Variants in ST3GAL4 observed in about 807,000 individuals in gnomAD.
ST3GAL4 encodes the protein ST3 beta-galactoside alpha-2,3-sialyltransferase 4, also known as CMP-N-acetylneuraminate-beta-galactosamide-alpha-2,3-sialyltransferase 4.
A neutral mutation model predicts 42.6 loss-of-function variants in ST3GAL4; 24 were observed. The ratio of observed to expected loss-of-function variants is 0.56; its 90% confidence interval spans 0.41 to 0.79. The LOEUF (loss-of-function observed/expected upper bound fraction) is 0.79, where lower values mean the gene tolerates loss of function less well. Ranked by LOEUF, ST3GAL4 falls within the 30% of genes least tolerant of loss-of-function variation. The pLI is 0.00. For missense variants in ST3GAL4, 311 were observed against 430.8 expected (o/e 0.72, Z 2.46); for synonymous variants, 135 against 163.2 (o/e 0.83, Z 1.32).
At chr11:126,388,224 A>G (rs145325983) in intron 1 of ST3GAL4, among the ~76,000 whole-genome samples, 102 of 152,390 alleles carry the variant, frequency 6.7e-4, no homozygotes, top group African/African-American at 2.4e-3. Context: ...TGCTGTCTCC[A>G]TCACGCTGGA....
At chr11:126,358,363 A>C (rs77137587) in intron 1 of ST3GAL4, 2 of 361,182 alleles carry the variant, frequency 5.5e-6, no homozygotes, top group Non-Finnish European at 1.2e-5. Context: ...GTGTAGGCAG[A>C]TTTGGGTGAC....
chr11:126,381,806 A>G (rs564957215), intron 1 of ST3GAL4, among the ~76,000 whole-genome samples: 7 of 151,678 alleles, frequency 4.6e-5, no homozygotes, highest in Non-Finnish European at 7.4e-5. Context: ...TAACTGAATA[A>G]ATGCCATTAA....
Position 126,408,368 on chromosome 11 carries a change from C to T in ST3GAL4, c.499C>T (p.Leu167Phe). 1 of 1,614,220 alleles carries T rather than the reference C, an allele frequency of 6.2e-7. No individual in the cohort carries two copies. Among genetic ancestry groups the T allele is most frequent in the Non-Finnish European group, 8.5e-7 (1 of 1,180,050 alleles). ...CGTGGGCTCCAAGACCACCATGCGT[C>T]TCTTCTACCCTGAATCTGCCCACTT... ...GDVGSKTTMR[L>F]FYPESAHFDP... The change falls in exon 8 of 11, where the codon CTC becomes TTC. Residue 167 changes from leucine to phenylalanine, a missense_variant. Coordinates refer to ENST00000444328, the MANE Select transcript of ST3GAL4 (RefSeq NM_001254757.2).
rs1297270536 is a variant in ST3GAL4, at chr11:126,391,396, A to G, written c.-60-14700A>G. ...CCTTGTGCCTGCTGAGTGGTGGAAC[A>G]GTTCTGAAAAGGTCTGTTCTGGAGT... On this transcript the variant is annotated intron_variant, in intron 1 of 10. Transcript: ENST00000444328. This position sits in a 1 kb window ranked among gnomAD's most constrained non-coding sequence, Gnocchi z 5.5. 6.6e-6 allele frequency among the ~76,000 whole-genome samples: 1 copy of G among 152,128 alleles called. No individual in the cohort carries two copies. Among genetic ancestry groups the G allele is most frequent in the Admixed American group, 6.5e-5 (1 of 15,274 alleles).
rs1194284619 is a variant in ST3GAL4 at position 126,383,945 on chromosome 11, C to T, written c.-60-22151C>T. Among the ~76,000 whole-genome samples the T allele has an allele frequency of 5.9e-5, 9 of 152,172 alleles. No individual in the cohort carries two copies. Among genetic ancestry groups the T allele is most frequent in the Admixed American group, 5.2e-4 (8 of 15,282 alleles). ...CGCCTTCTCTGTTCCTGGGGACAGGCTGCTGCAGGGTGGAGGGCTTGCTTT... is the reference window on the plus strand; with the variant it reads ...CGCCTTCTCTGTTCCTGGGGACAGGTTGCTGCAGGGTGGAGGGCTTGCTTT... On this transcript the variant is annotated intron_variant, in intron 1 of 10. Transcript: ENST00000444328. This position sits in a 1 kb window ranked among gnomAD's most constrained non-coding sequence, Gnocchi z 4.5.
intron 1 of ST3GAL4, among the ~76,000 whole-genome samples, chr11:126,368,426 C>G (rs1952517757): frequency 6.6e-6 from 1 of 152,256 alleles, no homozygotes; most frequent in Admixed American, 6.5e-5. Flanking sequence ...CCTGTTTCTG[C>G]TGACTTGTCC....
At chr11:126,380,032 C>A (rs545597060) in intron 1 of ST3GAL4, among the ~76,000 whole-genome samples, 1 of 151,882 alleles carries the variant, frequency 6.6e-6, no homozygotes, top group Non-Finnish European at 1.5e-5. Context: ...GAAGCTGAGG[C>A]GGGCGGATCA....
intron 1 of ST3GAL4, among the ~76,000 whole-genome samples, chr11:126,380,456 G>A (rs1443087677): frequency 1.3e-5 from 2 of 152,146 alleles, no homozygotes; most frequent in African/African-American, 4.8e-5. Flanking sequence ...GGCACAAGTC[G>A]TTCAGTATTT....
At chr11:126,358,220 G>A (rs550201513) in intron 1 of ST3GAL4, among the ~76,000 whole-genome samples, 32 of 152,380 alleles carry the variant, frequency 2.1e-4, no homozygotes, top group African/African-American at 7.2e-4. Flanking sequence ...GGGCCGGCTG[G>A]ACGTTTCCCT....
intron 5 of ST3GAL4, 82 bp from the exon 6 acceptor site, chr11:126,407,492 T>G: frequency 1.3e-6 from 2 of 1,588,312 alleles, no homozygotes; most frequent in Non-Finnish European, 1.7e-6. Flanking sequence ...CAGCCAGCGC[T>G]CTGAGGAGCA....
chr11:126,360,725 C>A (rs965646603), intron 1 of ST3GAL4, among the ~76,000 whole-genome samples: 4 of 152,146 alleles, frequency 2.6e-5, no homozygotes, highest in African/African-American at 9.7e-5. Context: ...CCCAGCCGAG[C>A]GTGTCTGTCT....
At position 126,396,307 on chromosome 11, in the gene ST3GAL4, C is replaced by T. The variant is rs532189857; in HGVS notation, c.-60-9789C>T. On this transcript the variant is annotated intron_variant, in intron 1 of 10. Coordinates refer to ENST00000444328, the MANE Select transcript of ST3GAL4 (RefSeq NM_001254757.2). This position sits in a 1 kb window ranked among gnomAD's most constrained non-coding sequence, Gnocchi z 5.8. ...TGGAAGCAGGTACAGCCCAGGCCCG[C>T]GCTGAGGTTCGGCAGGGAAGCCAGA... is the stretch of plus-strand genomic sequence containing the variant. 2.3e-4 allele frequency among the ~76,000 whole-genome samples: 35 copies of T among 152,152 alleles called. 3 individuals are homozygous for T. The highest frequency in any genetic ancestry group is 7.0e-4 in the African/African-American group (29 of 41,450).
In ST3GAL4 at chr11:126,393,131, CG is replaced by C. The variant is rs1489226768; in HGVS notation, c.-60-12961del. 2 of 151,840 alleles carry C rather than the reference CG, an allele frequency of 1.3e-5. No homozygotes were observed. The highest frequency in any genetic ancestry group is 2.9e-5 in the Non-Finnish European group (2 of 68,034). 9.4% of individuals were successfully genotyped at this position (151,840 alleles called of 1,614,324 possible). A position where few individuals can be genotyped will look rare whatever the true frequency, so the allele number is the denominator to read the frequency against. ...AATTTTATTTTTATTTTTATAGAGA[CG>C]GGGCAGAGTCTGCAGTCACATGCCT... On this transcript the variant is annotated intron_variant, in intron 1 of 10. Transcript: ENST00000444328. This position sits in a 1 kb window ranked among gnomAD's most constrained non-coding sequence, Gnocchi z 5.9.
In ST3GAL4 at chr11:126,385,984, C is replaced by T. The variant is rs374338597; in HGVS notation, c.-60-20112C>T. Among the ~76,000 whole-genome samples the T allele has an allele frequency of 9.2e-5, 14 of 152,290 alleles. No individual in the cohort carries two copies. In the East Asian group the frequency reaches 1.7e-3, roughly 19 times the overall value. On this transcript the variant is annotated intron_variant, in intron 1 of 10. Coordinates refer to ENST00000444328, the MANE Select transcript of ST3GAL4 (RefSeq NM_001254757.2). The stretch of plus-strand genomic sequence containing the variant: ...CCACGTGTCCCCGTGGCCTCCCTGG[C>T]ACCCCCTTTCCTTCCTGGCTGTCTG...
intron 1 of ST3GAL4, among the ~76,000 whole-genome samples, chr11:126,390,525 T>C (rs1376903035): frequency 1.3e-5 from 2 of 152,160 alleles, no homozygotes; most frequent in Non-Finnish European, 2.9e-5. Context: ...GGTTTTAATA[T>C]GTATTCCCTG....
Position 126,410,224 on chromosome 11 carries a change from T to C in ST3GAL4, c.771+813T>C, listed in dbSNP as rs1366882699. Reference sequence around the variant, plus strand: ...GTCTGACCACAAGTTATGTGTTATGTGTTTCTTCTTTTTAACCTGATGTCC... The same window carrying C: ...GTCTGACCACAAGTTATGTGTTATGCGTTTCTTCTTTTTAACCTGATGTCC... On this transcript the variant is annotated intron_variant, in intron 9 of 10. Coordinates refer to ENST00000444328, the MANE Select transcript of ST3GAL4 (RefSeq NM_001254757.2). The surrounding 1 kb of genome is among the most constrained non-coding windows in gnomAD (Gnocchi z 5.3). 4.6e-5 allele frequency among the ~76,000 whole-genome samples: 7 copies of C among 152,216 alleles called. No homozygotes were observed. The highest frequency in any genetic ancestry group is 4.6e-4 in the Admixed American group (7 of 15,280).
intron 1 of ST3GAL4, among the ~76,000 whole-genome samples, chr11:126,371,166 T>A (rs867364222): frequency 2.5e-4 from 22 of 89,210 alleles, no homozygotes; most frequent in South Asian, 1.0e-3. Flanking sequence ...CACATTCCTT[T>A]TTTTTTTTTT....
rs1954423134 is a variant in ST3GAL4, at chr11:126,409,505, T to A, written c.771+94T>A. 3.2e-6 allele frequency: 5 copies of A among 1,542,230 alleles called. No homozygotes were observed. In the South Asian group the frequency reaches 5.8e-5, roughly 18 times the overall value. ...CTTAGGAAGCCCTGGAAGGATCCCA[T>A]AACAGAGGCGGCGGTTTGCATTTTC... On this transcript the variant is annotated intron_variant, in intron 9 of 10. Coordinates refer to ENST00000444328, the MANE Select transcript of ST3GAL4 (RefSeq NM_001254757.2). The surrounding 1 kb of genome is among the most constrained non-coding windows in gnomAD (Gnocchi z 4.9).
chr11:126,390,060 G>A (rs1211865348), intron 1 of ST3GAL4, among the ~76,000 whole-genome samples: 1 of 150,242 alleles, frequency 6.7e-6, no homozygotes, highest in African/African-American at 2.4e-5. Context: ...GGGGGCGCCT[G>A]TAGTCCCAGC....
Sources: gnomAD v4.1 joint callset for allele counts (sites outside exome capture counted in the v4.1 genomes callset) on GRCh38, gnomAD v4.1.1 for gene constraint, Gnocchi (gnomAD v3.1) non-coding constraint, MANE v1.5 for transcripts, NCBI Gene and HGNC (gene_info 2026-07-23, HGNC 2026-07-21) for gene names.